The following MGAT4C variants were observed in gnomAD, a reference collection of about 807,000 sequenced individuals.
MGAT4C encodes the protein MGAT4 family member C.
A neutral mutation model predicts 40.1 loss-of-function variants in MGAT4C; 19 were observed. The ratio of observed to expected loss-of-function variants is 0.47; its 90% CI spans 0.33 to 0.70. The LOEUF (loss-of-function observed/expected upper bound fraction) is 0.70. Ranked by LOEUF, MGAT4C falls within the 30% of genes least tolerant of loss-of-function variation. MGAT4C has a pLI of 0.02. For missense variants in MGAT4C, 491 were observed against 563.2 expected, an observed-to-expected ratio of 0.87 and a Z score of 1.30; for synonymous variants, 181 against 187.1, an observed-to-expected ratio of 0.97 and a Z score of 0.27.
chr12:86,772,791 T>A (rs186861018), intron 1 of MGAT4C, among the ~76,000 whole-genome samples: 1 of 152,332 alleles, frequency 6.6e-6, no homozygotes, highest in Admixed American at 6.5e-5. Flanking sequence ...GAAACGTATA[T>A]CCAATTCCTA....
chr12:86,132,841 A>G (rs961158903), intron 1 of MGAT4C, among the ~76,000 whole-genome samples: 1 of 151,870 alleles, frequency 6.6e-6, no homozygotes, highest in Non-Finnish European at 1.5e-5. Flanking sequence ...CAGTAGGGTT[A>G]AATGTTATTA....
At chr12:86,051,722 G>A (rs999927278) in intron 1 of MGAT4C, among the ~76,000 whole-genome samples, 11 of 150,972 alleles carry the variant, frequency 7.3e-5, no homozygotes, top group East Asian at 1.9e-4. Flanking sequence ...TCTTCAATGT[G>A]AATAATAGAA....
intron 1 of MGAT4C, among the ~76,000 whole-genome samples, chr12:86,217,009 T>C (rs78953980): frequency 1.3e-5 from 2 of 152,148 alleles, no homozygotes; most frequent in Non-Finnish European, 2.9e-5. Flanking sequence ...AAAATTCCTA[T>C]GTGAAAGATT....
At chr12:86,381,256 C>T (rs1348004542) in intron 3 of MGAT4C, among the ~76,000 whole-genome samples, 2 of 152,082 alleles carry the variant, frequency 1.3e-5, no homozygotes, top group Non-Finnish European at 2.9e-5. Flanking sequence ...TATATGCAGT[C>T]ACCAAAAGAG....
intron 1 of MGAT4C, among the ~76,000 whole-genome samples, chr12:86,804,877 A>C (rs1952318221): frequency 6.6e-6 from 1 of 152,058 alleles, no homozygotes; most frequent in South Asian, 2.1e-4. Flanking sequence ...AACTTTGGTA[A>C]GTAATGCAGG....
intron 2 of MGAT4C, among the ~76,000 whole-genome samples, chr12:86,719,332 TTTCAGTACAGCTCC>T (rs957397338): frequency 3.9e-5 from 6 of 152,164 alleles, no homozygotes; most frequent in African/African-American, 1.4e-4. Flanking sequence ...CCTGTGGTTG[TTTCAGTACAGCTCC>T]TTCAGTGCTG....
chr12:86,249,251 C>A (rs1952166632), intron 1 of MGAT4C, among the ~76,000 whole-genome samples: 1 of 152,090 alleles, frequency 6.6e-6, no homozygotes, highest in Non-Finnish European at 1.5e-5. Context: ...GAAACTCTTT[C>A]CCAAACTCTG....
intron 1 of MGAT4C, among the ~76,000 whole-genome samples, chr12:86,251,949 T>G (rs1240060821): frequency 6.6e-6 from 1 of 152,072 alleles, no homozygotes; most frequent in Admixed American, 6.6e-5. Context: ...TCAAAAACAC[T>G]ATTAAAATTA....
intron 4 of MGAT4C, among the ~76,000 whole-genome samples, chr12:86,266,040 G>C (rs975725998): frequency 6.6e-6 from 1 of 151,998 alleles, no homozygotes; most frequent in Non-Finnish European, 1.5e-5. Flanking sequence ...GCTTTTTCTA[G>C]AATTTTTAGG....
At chr12:86,009,102 G>A (rs894924163) in intron 2 of MGAT4C, among the ~76,000 whole-genome samples, 1 of 152,040 alleles carries the variant, frequency 6.6e-6, no homozygotes, top group Non-Finnish European at 1.5e-5. Flanking sequence ...GAAACCTTAA[G>A]TCTAGGGCTA....
intron 1 of MGAT4C, among the ~76,000 whole-genome samples, chr12:86,072,180 G>A (rs1247847179): frequency 6.6e-6 from 1 of 152,034 alleles, no homozygotes; most frequent in Non-Finnish European, 1.5e-5. Context: ...GGGCAAAAGG[G>A]TTAAGTGATG....
At chr12:86,099,153 T>A (rs867665734) in intron 1 of MGAT4C, among the ~76,000 whole-genome samples, 2 of 151,466 alleles carry the variant, frequency 1.3e-5, no homozygotes, top group Non-Finnish European at 3.0e-5. Flanking sequence ...ATGTGGTGTG[T>A]TATATTTTTA....
intron 3 of MGAT4C, among the ~76,000 whole-genome samples, chr12:86,394,583 A>T (rs1010569091): frequency 5.6e-5 from 8 of 143,844 alleles, no homozygotes; most frequent in South Asian, 4.2e-4. Context: ...ATATATGTGT[A>T]TAAAATATTT....
At chr12:86,188,103 AT>A (rs1888979271) in intron 1 of MGAT4C, among the ~76,000 whole-genome samples, 1 of 151,960 alleles carries the variant, frequency 6.6e-6, no homozygotes, top group Admixed American at 6.6e-5. Context: ...TTCTGCTATG[AT>A]TTTTCTGCTC....
Position 86,521,253 on chromosome 12 carries a change from G to A in MGAT4C, c.-228-85988C>T, listed in dbSNP as rs1309402659. Among the ~76,000 whole-genome samples, 3 of 152,084 alleles carry A rather than the reference G, an allele frequency of 2.0e-5. No homozygotes were observed. The South Asian group carries it at 6.2e-4, about 31-fold the overall frequency. ...TCCTGAGTTGAGTTTTGTATATGGT[G>A]TAAGAAAGGGGCCGACTTTCAATCT... On this transcript the variant is annotated intron_variant, in intron 2 of 7. Coordinates refer to the MGAT4C transcript ENST00000548651.
intron 3 of MGAT4C, among the ~76,000 whole-genome samples, chr12:86,403,079 A>T (rs61949487): frequency 0.099 from 15,017 of 152,280 alleles, 997 homozygotes; most frequent in Middle Eastern, 0.25. Flanking sequence ...TTTGAATTCA[A>T]CATTTCTTGA....
intron 1 of MGAT4C, among the ~76,000 whole-genome samples, chr12:86,145,550 G>A (rs1389267077): frequency 6.6e-6 from 1 of 152,174 alleles, no homozygotes; most frequent in Non-Finnish European, 1.5e-5. Context: ...CCATGTGCCT[G>A]AGATAATCAG....
At position 86,758,399 on chromosome 12, in the gene MGAT4C, G is replaced by T. The variant is rs1273908821; in HGVS notation, c.-261-31158C>A. Among the ~76,000 whole-genome samples the T allele has an allele frequency of 4.9e-5, 6 of 123,540 alleles. 1 individual carries two copies. In the South Asian group the frequency reaches 1.0e-3, roughly 21 times the overall value. The allele number at this position is 123,540 out of a possible 152,430, so 81.0% of individuals were successfully genotyped here. ...CCTTTTTTTTTTTTTTTAAAAAAAAGAAACTAACATTAATTAGTATTTACT... is the reference window on the plus strand; with the variant it reads ...CCTTTTTTTTTTTTTTTAAAAAAAATAAACTAACATTAATTAGTATTTACT... On this transcript the variant is annotated intron_variant, in intron 1 of 7. Coordinates refer to the MGAT4C transcript ENST00000548651.
intron 2 of MGAT4C, among the ~76,000 whole-genome samples, chr12:86,471,446 T>C (rs1345840659): frequency 1.3e-5 from 2 of 152,048 alleles, no homozygotes; most frequent in East Asian, 3.9e-4. Flanking sequence ...TAGGCACATA[T>C]ATTGCAATCC....
Sources: gnomAD v4.1 joint callset for allele counts (sites outside exome capture counted in the v4.1 genomes callset) on GRCh38, gnomAD v4.1.1 for gene constraint, MANE v1.5 for transcripts, NCBI Gene and HGNC (gene_info 2026-07-23, HGNC 2026-07-21) for gene names.